Variants in ADAM20 observed in about 807,000 individuals in gnomAD.
The protein encoded by ADAM20 is ADAM metallopeptidase domain 20, also known as disintegrin and metalloproteinase domain-containing protein 20.
For synonymous variants in ADAM20, 305 were observed against 310.2 expected (o/e 0.98, Z 0.18); for missense variants, 871 against 883.2 (o/e 0.99, Z 0.18).
At position 70,524,405 on chromosome 14, in the gene ADAM20, A is replaced by T; in HGVS notation, c.353T>A (p.Val118Asp). The change falls in exon 2 of 2, where the codon GTC (valine) becomes GAC (aspartate). Residue 118 changes from valine (V) to aspartate (D), a missense_variant. Coordinates refer to ENST00000256389, the MANE Select transcript of ADAM20 (RefSeq NM_003814.5). ...DCYYHGYVEG[V>D]PESLVALSTC... ...ACTAAGGGCAACCAAGGACTCAGGG[A>T]CCCCCTCCACATAACCATGGTAGTA... 1 of 1,613,938 alleles carries T rather than the reference A, an allele frequency of 6.2e-7. No homozygotes were observed. The highest frequency in any genetic ancestry group is 8.5e-7 in the Non-Finnish European group (1 of 1,179,918).
intron 1 of ADAM20, among the ~76,000 whole-genome samples, chr14:70,530,829 G>A (rs1883695290): frequency 1.3e-5 from 2 of 151,388 alleles, no homozygotes; most frequent in South Asian, 4.2e-4. Context: ...ATAGGATGCA[G>A]CAAAGCAGTC....
At chr14:70,539,343 G>A (rs1883900013), upstream of ADAM20, among the ~76,000 whole-genome samples, 2 of 152,392 alleles carry the variant, frequency 1.3e-5, no homozygotes, top group South Asian at 4.1e-4. Context: ...TGCAGTCAGG[G>A]AGGTTTCACA....
chr14:70,579,011 A>C, the ADAM20 span, among the ~76,000 whole-genome samples: 1 of 152,260 alleles, frequency 6.6e-6, no homozygotes, highest in African/African-American at 2.4e-5. Context: ...GCTGCAAAGG[A>C]CATTATTTGA....
Position 70,523,304 on chromosome 14 carries a change from C to A in ADAM20, c.1454G>T (p.Cys485Phe). The part of the protein sequence containing the change: ...PEWCNGTSHQ[C>F]PDDVYVQDGI... The stretch of plus-strand genomic sequence containing the variant: ...GTCCTGCACATACACATCATCTGGG[C>A]ATTGATGGGATGTCCCATTGCACCA... Residue 485 changes from cysteine (C) to phenylalanine (F), a missense_variant, in exon 2 of 2, where the codon TGC becomes TTC. Physicochemically the swap from Cys to Phe is radical, Grantham distance 205. Transcript: ENST00000256389. 1.2e-6 allele frequency: 2 copies of A among 1,614,026 alleles called. No homozygotes were observed. Among genetic ancestry groups the A allele is most frequent in the African/African-American group, 1.3e-5 (1 of 75,046 alleles).
At chr14:70,553,303 G>A in the ADAM20 span, among the ~76,000 whole-genome samples, 7 of 32,798 alleles carry the variant, frequency 2.1e-4, no homozygotes, top group African/African-American at 1.6e-4. Context: ...AAAACTTAGA[G>A]TATAATAAAA....
the ADAM20 span, among the ~76,000 whole-genome samples, chr14:70,579,227 G>C: frequency 6.6e-6 from 1 of 151,926 alleles, no homozygotes; most frequent in Admixed American, 6.6e-5. Flanking sequence ...GGGTCGAATG[G>C]GACTTCTATT....
chr14:70,533,609 G>T (rs1883762590), intron 1 of ADAM20, among the ~76,000 whole-genome samples: 1 of 152,052 alleles, frequency 6.6e-6, no homozygotes, highest in South Asian at 2.1e-4. Context: ...GAGGGATGGG[G>T]GGCAAGGGAA....
chr14:70,579,198 AC>A, the ADAM20 span, among the ~76,000 whole-genome samples: 1 of 152,084 alleles, frequency 6.6e-6, no homozygotes, highest in South Asian at 2.1e-4. Flanking sequence ...TTGGTAGGAT[AC>A]CCAGTAATGG....
rs1883519187 is a variant in ADAM20 at position 70,523,927 on chromosome 14, C to T, written c.831G>A (p.Glu277=). The T allele has an allele frequency of 6.2e-7, 1 of 1,613,836 alleles. No homozygotes were observed. The highest frequency in any genetic ancestry group is 1.1e-5 in the South Asian group (1 of 91,078). ...TATAATTCTTCCAAATAGAAAAGTC[C>T]TCTAAAACATTATCTAGGTCTCCAC... ...PTSGDLDNVL[E]DFSIWKNYNL... is the part of the protein sequence containing the mutation. Residue 277 remains glutamate, a synonymous_variant, in exon 2 of 2, where the codon GAG becomes GAA. Transcript: ENST00000256389.
At position 70,524,769 on chromosome 14, in the gene ADAM20, C is replaced by T. The variant is rs754136240; in HGVS notation, c.-12G>A. On this transcript the variant is annotated 5_prime_UTR_variant, in exon 2 of 2. An upstream start codon of the reference 5' UTR is lost. Transcript: ENST00000256389. Reference sequence around the variant, plus strand: ...TCACCCACTGCCATTATGAAGCTGTCATTATGGAGCCATCTGTCTAGAGCA... The same window carrying T: ...TCACCCACTGCCATTATGAAGCTGTTATTATGGAGCCATCTGTCTAGAGCA... 3.1e-6 allele frequency: 5 copies of T among 1,613,728 alleles called. No homozygotes were observed. In the East Asian group the frequency reaches 1.1e-4, roughly 36 times the overall value.
chr14:70,544,239 T>C, the ADAM20 span, among the ~76,000 whole-genome samples: 24 of 152,288 alleles, frequency 1.6e-4, no homozygotes, highest in African/African-American at 4.6e-4. Flanking sequence ...CTGACCAAAA[T>C]AGGCCAGAAG....
At chr14:70,534,072 G>A (rs2139542206) in intron 1 of ADAM20, among the ~76,000 whole-genome samples, 1 of 95,966 alleles carries the variant, frequency 1.0e-5, no homozygotes, top group Admixed American at 1.6e-4. Flanking sequence ...GAGAGAGCAA[G>A]ACCCTGTCTC....
chr14:70,522,504 A>G lies in ADAM20; in HGVS notation c.*73T>C. On this transcript the variant is annotated 3_prime_UTR_variant, in exon 2 of 2. Transcript: ENST00000256389. ...TATTTAAACAGTGAGACATGGCTTC[A>G]TATTTTTCTATTAAAAAATTGGATA... 2 of 1,364,860 alleles carry G rather than the reference A, an allele frequency of 1.5e-6. No homozygotes were observed. Among genetic ancestry groups the G allele is most frequent in the Non-Finnish European group, 2.0e-6 (2 of 1,024,620 alleles). The allele number at this position is 1,364,860 out of a possible 1,614,324, so 84.5% of individuals were successfully genotyped here.
At chr14:70,545,411 T>C in the ADAM20 span, among the ~76,000 whole-genome samples, 1 of 152,188 alleles carries the variant, frequency 6.6e-6, no homozygotes, top group African/African-American at 2.4e-5. Flanking sequence ...AAAGCAGAAC[T>C]GGGCTGTGCT....
At position 70,522,527 on chromosome 14, in the gene ADAM20, A is replaced by G. The variant is rs1413481163; in HGVS notation, c.*50T>C. On this transcript the variant is annotated 3_prime_UTR_variant, in exon 2 of 2. Coordinates refer to ENST00000256389, the MANE Select transcript of ADAM20 (RefSeq NM_003814.5). ...TCATATTTTTCTATTAAAAAATTGG[A>G]TATTAAAAATGAAGTATAAAGTTTA... 1.2e-5 allele frequency: 18 copies of G among 1,440,788 alleles called. No homozygotes were observed. The highest frequency in any genetic ancestry group is 1.7e-5 in the Non-Finnish European group (18 of 1,088,424). The allele number at this position is 1,440,788 out of a possible 1,614,324, so 89.3% of individuals were successfully genotyped here.
rs976861065 is a variant in ADAM20 at position 70,524,727 on chromosome 14, T to C, written c.31A>G (p.Arg11Gly). The part of the protein sequence containing the change: MAVGEPLVHI[R>G]VTLLLLWFGM... ...AACCAGAGCAGCAGAAGAGTGACCC[T>C]GATGTGCACCAGGGGCTCACCCACT... Residue 11 changes from arginine (R) to glycine (G), a missense_variant, in exon 2 of 2, where the codon AGG (arginine) becomes GGG (glycine). Coordinates refer to ENST00000256389, the MANE Select transcript of ADAM20 (RefSeq NM_003814.5). 1.9e-6 allele frequency: 3 copies of C among 1,613,954 alleles called. No homozygotes were observed. Among genetic ancestry groups the C allele is most frequent in the Non-Finnish European group, 2.5e-6 (3 of 1,179,932 alleles).
chr14:70,534,449 GA>G (rs1012697454), intron 1 of ADAM20, among the ~76,000 whole-genome samples: 2 of 151,566 alleles, frequency 1.3e-5, no homozygotes, highest in Admixed American at 6.6e-5. Flanking sequence ...CCAAAAGGTG[GA>G]AAAAAAATGT....
the ADAM20 span, among the ~76,000 whole-genome samples, chr14:70,554,002 G>A: frequency 6.6e-6 from 1 of 152,174 alleles, no homozygotes; most frequent in Non-Finnish European, 1.5e-5. Flanking sequence ...AATGATTATT[G>A]TTGACTGATG....
chr14:70,553,400 A>G, the ADAM20 span, among the ~76,000 whole-genome samples: 2 of 148,716 alleles, frequency 1.3e-5, no homozygotes, highest in Non-Finnish European at 3.0e-5. Flanking sequence ...TCCAAAAAGT[A>G]GAGAAAGGGA....
Sources: gnomAD v4.1 joint callset for allele counts (sites outside exome capture counted in the v4.1 genomes callset) on GRCh38, gnomAD v4.1.1 for gene constraint, MANE v1.5 for transcripts, NCBI Gene and HGNC (gene_info 2026-07-23, HGNC 2026-07-21) for gene names.